The following ADK variants were observed in gnomAD, a reference collection of about 807,000 sequenced individuals.
ADK encodes N6,N6-dimethyladenosine kinase.
Under a neutral mutation model 44.7 loss-of-function variants are expected in ADK, and 24 were observed. The observed-to-expected ratio is 0.54, with a 90% CI of 0.39 to 0.76. ADK has a LOEUF of 0.76. ADK is among the 30% of genes least tolerant of loss of function. ADK has a pLI of 0.00. For synonymous variants in ADK, 128 were observed against 142.6 expected (o/e 0.90, Z 0.73); for missense variants, 321 against 425.1 (o/e 0.76, Z 2.15).
At chr10:74,532,006 A>C (rs534895011) in intron 7 of ADK, among the ~76,000 whole-genome samples, 324 of 152,368 alleles carry the variant, frequency 2.1e-3, no homozygotes, top group Admixed American at 3.4e-3. Context: ...TCATAAACAC[A>C]GATGTAAAAA....
chr10:74,467,282 G>A (rs1285200313), intron 6 of ADK, among the ~76,000 whole-genome samples: 1 of 152,118 alleles, frequency 6.6e-6, no homozygotes, highest in East Asian at 1.9e-4. Flanking sequence ...ACTGGTGCAA[G>A]CCTATATCTA....
intron 3 of ADK, among the ~76,000 whole-genome samples, chr10:74,242,114 C>T (rs1046363586): frequency 3.3e-5 from 5 of 152,180 alleles, no homozygotes; most frequent in African/African-American, 9.7e-5. Flanking sequence ...ATGAGTACAT[C>T]GTAATTTTAG....
At chr10:74,530,305 G>T (rs796964896) in intron 7 of ADK, among the ~76,000 whole-genome samples, 21 of 152,136 alleles carry the variant, frequency 1.4e-4, no homozygotes, top group African/African-American at 4.8e-4. Context: ...GAGAATATAC[G>T]TAGGATTCTT....
intron 2 of ADK, among the ~76,000 whole-genome samples, chr10:74,216,279 T>G (rs1844013791): frequency 1.3e-5 from 2 of 152,210 alleles, no homozygotes; most frequent in South Asian, 4.1e-4. Flanking sequence ...AAAATATCTC[T>G]TAGTCATTAA....
chr10:74,195,873 C>T (rs1219529069), intron 1 of ADK, among the ~76,000 whole-genome samples: 6 of 151,850 alleles, frequency 4.0e-5, no homozygotes, highest in Admixed American at 2.0e-4. Context: ...GATGGAGTCT[C>T]GCCATGTTGC....
intron 7 of ADK, among the ~76,000 whole-genome samples, chr10:74,587,387 C>T (rs1217346423): frequency 4.6e-5 from 7 of 152,158 alleles, no homozygotes; most frequent in Admixed American, 6.5e-5. Flanking sequence ...TAGTAAATAG[C>T]GTAAGGAGTT....
chr10:74,264,338 A>G (rs971552937), intron 3 of ADK, among the ~76,000 whole-genome samples: 1 of 152,202 alleles, frequency 6.6e-6, no homozygotes, highest in Non-Finnish European at 1.5e-5. Context: ...TCTGTTTTGT[A>G]GGTGTGAACT....
At chr10:74,335,017 T>C (rs996651131) in intron 4 of ADK, among the ~76,000 whole-genome samples, 3 of 152,164 alleles carry the variant, frequency 2.0e-5, no homozygotes, top group Non-Finnish European at 4.4e-5. Flanking sequence ...CTTTTCTGTT[T>C]CTAACCCTTC....
intron 4 of ADK, among the ~76,000 whole-genome samples, chr10:74,392,764 G>A (rs1005355887): frequency 6.6e-6 from 1 of 151,070 alleles, no homozygotes; most frequent in South Asian, 2.1e-4. Context: ...ATATTATTAA[G>A]TTTTATTTTT....
At position 74,624,938 on chromosome 10, in the gene ADK, T is replaced by C. The variant is rs148698639; in HGVS notation, c.877+24445T>C. Among the ~76,000 whole-genome samples, 249 of 151,776 alleles carry C rather than the reference T, an allele frequency of 1.6e-3. 2 individuals carry two copies. The highest frequency in any genetic ancestry group is 5.9e-3 in the African/African-American group (244 of 41,418). ...AGTATATGCCAGGTAATATAGAACT[T>C]AAAAAAAACATGAGAACCTCTAATC... is the stretch of plus-strand genomic sequence containing the variant. On this transcript the variant is annotated intron_variant, in intron 9 of 10. Transcript: ENST00000539909.
chr10:74,480,241 T>A (rs946518661), intron 6 of ADK, among the ~76,000 whole-genome samples: 4 of 150,844 alleles, frequency 2.7e-5, no homozygotes, highest in South Asian at 2.1e-4. Flanking sequence ...TTTTTTTTTT[T>A]AAAGAGACAG....
chr10:74,609,787 C>T (rs1278911925), intron 9 of ADK, among the ~76,000 whole-genome samples: 1 of 152,182 alleles, frequency 6.6e-6, no homozygotes, highest in Non-Finnish European at 1.5e-5. Context: ...TTTTATTCTA[C>T]AGACCTATCT....
At chr10:74,230,553 T>G (rs1437080683) in intron 3 of ADK, among the ~76,000 whole-genome samples, 39 of 151,708 alleles carry the variant, frequency 2.6e-4, no homozygotes, top group Non-Finnish European at 4.4e-5. Flanking sequence ...CTCACTACAG[T>G]CTTGTTTTTA....
intron 7 of ADK, among the ~76,000 whole-genome samples, chr10:74,530,063 A>T (rs1016727094): frequency 1.3e-5 from 2 of 152,204 alleles, no homozygotes; most frequent in Non-Finnish European, 2.9e-5. Flanking sequence ...AGATTTTTTT[A>T]AATGTTAGTA....
chr10:74,345,319 C>T lies in ADK; in HGVS notation c.273+30574C>T, dbSNP rs1160762483. Among the ~76,000 whole-genome samples the T allele has an allele frequency of 2.7e-5, 4 of 145,848 alleles. 1 individual carries two copies. In the East Asian group the frequency reaches 6.0e-4, roughly 22 times the overall value. On this transcript the variant is annotated intron_variant, in intron 4 of 10. Transcript: ENST00000539909. Reference sequence around the variant, plus strand: ...TGCATCACGTATCTTTTTTTTTTTTCCCAGACAGGGTCTTGCTTTGTTGCC... The same window carrying T: ...TGCATCACGTATCTTTTTTTTTTTTTCCAGACAGGGTCTTGCTTTGTTGCC...
chr10:74,666,327 C>G (rs1326006902), intron 9 of ADK, among the ~76,000 whole-genome samples: 1 of 152,106 alleles, frequency 6.6e-6, no homozygotes, highest in African/African-American at 2.4e-5. Flanking sequence ...AATGAAGGCA[C>G]TCTGCAAGTC....
chr10:74,446,015 T>C (rs146818623), intron 6 of ADK, among the ~76,000 whole-genome samples: 71 of 152,218 alleles, frequency 4.7e-4, no homozygotes, highest in African/African-American at 1.6e-3. Context: ...TTTTATTACA[T>C]TTAAATAGTT....
intron 8 of ADK, among the ~76,000 whole-genome samples, chr10:74,593,509 T>C (rs1335927901): frequency 1.3e-5 from 2 of 151,748 alleles, no homozygotes; most frequent in Non-Finnish European, 2.9e-5. Flanking sequence ...AAAACAAATT[T>C]CAAACAGAGA....
intron 7 of ADK, among the ~76,000 whole-genome samples, chr10:74,549,816 C>T (rs891243633): frequency 4.6e-5 from 7 of 152,136 alleles, no homozygotes; most frequent in African/African-American, 1.7e-4. Flanking sequence ...AAAATATACA[C>T]AGGCGTTAAT....
Sources: gnomAD v4.1 joint callset for allele counts (sites outside exome capture counted in the v4.1 genomes callset) on GRCh38, gnomAD v4.1.1 for gene constraint, MANE v1.5 for transcripts, NCBI Gene and HGNC (gene_info 2026-07-23, HGNC 2026-07-21) for gene names.